The following LHFPL7 variants were observed in gnomAD, a reference collection of about 807,000 sequenced individuals.
LHFPL7 encodes LHFPL tetraspan subfamily member 7, also known as LHFPL tetraspan subfamily member 7 protein.
the LHFPL7 span, among the ~76,000 whole-genome samples, chr22:24,942,963 C>T: frequency 2.1e-3 from 311 of 146,328 alleles, no homozygotes; most frequent in Middle Eastern, 3.6e-3. Flanking sequence ...CAGAGATAAA[C>T]CTGGGCAGGT....
the LHFPL7 span, among the ~76,000 whole-genome samples, chr22:24,941,906 C>T: frequency 2.0e-5 from 3 of 152,052 alleles, no homozygotes; most frequent in African/African-American, 7.2e-5. Flanking sequence ...ACCTCGTGAT[C>T]CGCACGCCTC....
At chr22:24,945,653 C>G in the LHFPL7 span, among the ~76,000 whole-genome samples, 3 of 152,306 alleles carry the variant, frequency 2.0e-5, no homozygotes, top group Admixed American at 1.3e-4. Context: ...CCCAACCCAT[C>G]AATCGATATA....
chr22:24,945,631 A>G, the LHFPL7 span, among the ~76,000 whole-genome samples: 19 of 152,178 alleles, frequency 1.2e-4, no homozygotes, highest in African/African-American at 4.6e-4. Flanking sequence ...AAAGCTTGAG[A>G]TGTGTATCTT....
chr22:24,941,221 T>G, the LHFPL7 span, among the ~76,000 whole-genome samples: 2 of 151,956 alleles, frequency 1.3e-5, no homozygotes, highest in African/African-American at 4.8e-5. Flanking sequence ...CAGGCTGGAA[T>G]GCAGTGGTGC....
chr22:24,944,125 A>T, the LHFPL7 span, among the ~76,000 whole-genome samples: 1 of 152,100 alleles, frequency 6.6e-6, no homozygotes. Flanking sequence ...CATTCAACAA[A>T]TATTTATTGG....
At chr22:24,943,024 C>T in the LHFPL7 span, among the ~76,000 whole-genome samples, 15 of 151,794 alleles carry the variant, frequency 9.9e-5, no homozygotes, top group South Asian at 3.1e-3. Context: ...AGAAAAACCT[C>T]GTGGCTGCTC....
At chr22:24,941,000 C>T in the LHFPL7 span, among the ~76,000 whole-genome samples, 36 of 151,950 alleles carry the variant, frequency 2.4e-4, no homozygotes, top group African/African-American at 8.0e-4. Flanking sequence ...GAAACAAGGT[C>T]TCCCTATATT....
chr22:24,944,503 T>C, the LHFPL7 span, among the ~76,000 whole-genome samples: 1 of 152,044 alleles, frequency 6.6e-6, no homozygotes, highest in Non-Finnish European at 1.5e-5. Flanking sequence ...CTTGGCACAT[T>C]TGAAGATGCA....
At chr22:24,942,018 T>C in the LHFPL7 span, among the ~76,000 whole-genome samples, 1 of 149,350 alleles carries the variant, frequency 6.7e-6, no homozygotes, top group East Asian at 2.0e-4. Flanking sequence ...TTTATTGAGA[T>C]GGAGTCTCAC....
At chr22:24,938,399 G>A in the LHFPL7 span, 2 of 1,573,984 alleles carry the variant, frequency 1.3e-6, no homozygotes, top group Non-Finnish European at 1.7e-6. Context: ...GGTGTTGGCT[G>A]GGACAGGGGC....
At chr22:24,937,542 C>T in the LHFPL7 span, among the ~76,000 whole-genome samples, 1 of 152,126 alleles carries the variant, frequency 6.6e-6, no homozygotes, top group Non-Finnish European at 1.5e-5. Flanking sequence ...GTCAGGTTAA[C>T]AGGACTCGTT....
chr22:24,943,408 G>A, the LHFPL7 span, among the ~76,000 whole-genome samples: 1 of 152,176 alleles, frequency 6.6e-6, no homozygotes, highest in African/African-American at 2.4e-5. Context: ...TCCACCTAAG[G>A]AGAGCTTGAA....
the LHFPL7 span, chr22:24,939,421 A>G: frequency 1.4e-6 from 1 of 702,990 alleles, no homozygotes; most frequent in African/African-American, 1.7e-5. Flanking sequence ...CAGGAGCAGT[A>G]GGTGAGGATG....
the LHFPL7 span, chr22:24,935,391 G>T: frequency 4.3e-6 from 7 of 1,611,194 alleles, no homozygotes; most frequent in Non-Finnish European, 4.2e-6. Context: ...GAAGATGATG[G>T]TCCTCCCTTG....
At chr22:24,939,496 T>A in the LHFPL7 span, 1 of 702,912 alleles carries the variant, frequency 1.4e-6, no homozygotes, top group South Asian at 1.5e-5. Flanking sequence ...GAGGTGCAGG[T>A]CAGAGAGAGC....
At chr22:24,939,081 C>T in the LHFPL7 span, among the ~76,000 whole-genome samples, 16 of 152,210 alleles carry the variant, frequency 1.1e-4, no homozygotes, top group Admixed American at 9.2e-4. Context: ...CCCCACTCCA[C>T]GCCTACAGAG....
At chr22:24,945,425 G>C in the LHFPL7 span, among the ~76,000 whole-genome samples, 7 of 152,206 alleles carry the variant, frequency 4.6e-5, no homozygotes, top group Non-Finnish European at 1.0e-4. Context: ...GGAGGACAAA[G>C]AGTGGTCAGA....
the LHFPL7 span, among the ~76,000 whole-genome samples, chr22:24,937,709 A>G: frequency 5.9e-5 from 9 of 152,216 alleles, no homozygotes; most frequent in Admixed American, 5.9e-4. Context: ...AGCTATGTAT[A>G]AATTACAGAA....
chr22:24,944,215 GA>G, the LHFPL7 span, among the ~76,000 whole-genome samples: 1 of 152,264 alleles, frequency 6.6e-6, no homozygotes, highest in African/African-American at 2.4e-5. Context: ...CCTCCTTATG[GA>G]ACTTAGACTC....
Sources: allele counts gnomAD v4.1 joint callset (sites outside exome capture counted in the v4.1 genomes callset), GRCh38; gene constraint gnomAD v4.1.1; transcripts MANE v1.5; gene names NCBI Gene and HGNC (gene_info 2026-07-23, HGNC 2026-07-21).